The following DIPK1A variants were observed in gnomAD, a reference collection of about 807,000 sequenced individuals.
DIPK1A encodes the protein family with sequence similarity 69 member A.
Under a neutral mutation model 40.8 loss-of-function variants are expected in DIPK1A, and 27 were observed. The observed-to-expected ratio is 0.66, with a 90% CI of 0.49 to 0.91. DIPK1A has a LOEUF of 0.91. DIPK1A is among the 40% of genes least tolerant of loss of function. The pLI is 0.00. For missense variants in DIPK1A, 412 were observed against 505.7 expected (o/e 0.81, Z 1.78); for synonymous variants, 166 against 171.3 (o/e 0.97, Z 0.24).
At chr1:92,886,830 T>C (rs959956525) in intron 1 of DIPK1A, among the ~76,000 whole-genome samples, 5 of 151,952 alleles carry the variant, frequency 3.3e-5, no homozygotes, top group Admixed American at 6.6e-5. Flanking sequence ...CTTGGTTTTA[T>C]AAATATAGCT....
At chr1:92,955,808 A>G (rs1001961593) in intron 1 of DIPK1A, among the ~76,000 whole-genome samples, 19 of 152,296 alleles carry the variant, frequency 1.2e-4, no homozygotes, top group African/African-American at 4.6e-4. Flanking sequence ...TGGGAGGCCA[A>G]GGCAGGAGGA....
chr1:92,933,539 A>T (rs1156808197), intron 1 of DIPK1A: 1 of 152,218 alleles, frequency 6.6e-6, no homozygotes, highest in African/African-American at 2.4e-5. Context: ...TTTCTTAAAA[A>T]AAGGAAAAGA....
chr1:92,842,004 G>GT (rs568368652), downstream of DIPK1A: 671 of 817,924 alleles, frequency 8.2e-4, 5 homozygotes, highest in African/African-American at 0.011. Context: ...GAGTTGACAG[G>GT]TTTTTTTCTC....
chr1:92,846,831 A>ATGTGTGTGTGTG (rs1687633257), intron 4 of DIPK1A, among the ~76,000 whole-genome samples: 1 of 7,706 alleles, frequency 1.3e-4, no homozygotes, highest in African/African-American at 1.1e-3. Flanking sequence ...ATATATATAT[A>ATGTGTGTGTGTG]TATATATATA....
At chr1:92,909,135 A>G (rs185675328) in intron 1 of DIPK1A, among the ~76,000 whole-genome samples, 250 of 152,374 alleles carry the variant, frequency 1.6e-3, no homozygotes, top group Non-Finnish European at 2.6e-3. Context: ...TTGCTACACT[A>G]AAACTCTTTT....
chr1:92,854,998 A>T (rs926651898), intron 2 of DIPK1A, among the ~76,000 whole-genome samples: 4 of 152,180 alleles, frequency 2.6e-5, no homozygotes, highest in African/African-American at 7.2e-5. Flanking sequence ...ATATAAATAA[A>T]AAATAAGTGG....
intron 1 of DIPK1A, among the ~76,000 whole-genome samples, chr1:92,894,667 A>T (rs1649074882): frequency 6.6e-6 from 1 of 152,148 alleles, no homozygotes; most frequent in African/African-American, 2.4e-5. Context: ...GCAGAGCTGA[A>T]GGAAATAGAG....
chr1:92,881,962 T>C (rs1372718956), intron 1 of DIPK1A, among the ~76,000 whole-genome samples: 1 of 152,228 alleles, frequency 6.6e-6, no homozygotes, highest in Non-Finnish European at 1.5e-5. Flanking sequence ...CTCTAAGATC[T>C]ACAAGTCTCT....
Position 92,844,111 on chromosome 1 carries a change from A to G in DIPK1A, c.559T>C (p.Ser187Pro), listed in dbSNP as rs1033674612. Residue 187 changes from serine to proline, a missense_variant, in exon 5 of 5, where the codon TCC (serine) becomes CCC (proline). Coordinates refer to ENST00000370310, the MANE Select transcript of DIPK1A (RefSeq NM_001006605.5). Reference sequence around the variant, plus strand: ...CATGCCGACTTTGCTTCTCCCAAGGAAACCTGGCCATCTTTGTCTCCATCA... The same window carrying G: ...CATGCCGACTTTGCTTCTCCCAAGGGAACCTGGCCATCTTTGTCTCCATCA... ...VADGDKDGQV[S>P]LGEAKSAWAL... The G allele has an allele frequency of 3.2e-6, 5 of 1,551,788 alleles. No homozygotes were observed. Among genetic ancestry groups the G allele is most frequent in the Non-Finnish European group, 4.4e-6 (5 of 1,147,016 alleles).
rs147560158 is a variant in DIPK1A at position 92,902,070 on chromosome 1, T to A, written c.55-25640A>T. Among the ~76,000 whole-genome samples the A allele has an allele frequency of 1.5e-3, 225 of 152,186 alleles. 1 individual carries two copies. The highest frequency in any genetic ancestry group is 5.3e-3 in the African/African-American group (219 of 41,534). On this transcript the variant is annotated intron_variant, in intron 1 of 4. Transcript: ENST00000370310. ...GCGGGAGGGCAGTGTGTGAATGTTC[T>A]TGGAAGCCCAGGCACCATTTCCCTG...
intron 1 of DIPK1A, among the ~76,000 whole-genome samples, chr1:92,916,705 A>G (rs1650068423): frequency 6.6e-6 from 1 of 152,226 alleles, no homozygotes; most frequent in African/African-American, 2.4e-5. Flanking sequence ...AGGCCATTCC[A>G]GTATCATTTA....
chr1:92,870,377 C>G (rs1215136703), intron 2 of DIPK1A, among the ~76,000 whole-genome samples: 1 of 152,160 alleles, frequency 6.6e-6, no homozygotes, highest in Non-Finnish European at 1.5e-5. Flanking sequence ...AGGCACCCAC[C>G]ACCATGCCCG....
chr1:92,846,843 G>A (rs28617500), intron 4 of DIPK1A, among the ~76,000 whole-genome samples: 55 of 328 alleles, frequency 0.17, 6 homozygotes, highest in African/African-American at 0.23. Flanking sequence ...ATATATATAT[G>A]TGTGTATATA....
intron 1 of DIPK1A, among the ~76,000 whole-genome samples, chr1:92,917,106 A>G (rs1397878585): frequency 6.6e-6 from 1 of 152,122 alleles, no homozygotes; most frequent in Non-Finnish European, 1.5e-5. Context: ...AGTTTTTATA[A>G]TAGTCATTTT....
intron 1 of DIPK1A, among the ~76,000 whole-genome samples, chr1:92,892,123 C>T (rs991120215): frequency 1.3e-5 from 2 of 152,112 alleles, no homozygotes; most frequent in Admixed American, 1.3e-4. Context: ...CCTCTGCAGA[C>T]TTAAATGTCC....
At chr1:92,866,226 T>C (rs140381636) in intron 2 of DIPK1A, among the ~76,000 whole-genome samples, 26 of 152,300 alleles carry the variant, frequency 1.7e-4, no homozygotes, top group African/African-American at 5.3e-4. Flanking sequence ...CTCAGCCTCC[T>C]GAGTAGCTGC....
At chr1:92,898,921 C>A (rs1344746236) in intron 1 of DIPK1A, among the ~76,000 whole-genome samples, 1 of 152,080 alleles carries the variant, frequency 6.6e-6, no homozygotes, top group Non-Finnish European at 1.5e-5. Flanking sequence ...TGCCACCATG[C>A]CTGGCTATTT....
chr1:92,896,455 T>C (rs1210904209), intron 1 of DIPK1A, among the ~76,000 whole-genome samples: 1 of 152,070 alleles, frequency 6.6e-6, no homozygotes, highest in Non-Finnish European at 1.5e-5. Flanking sequence ...TAGCCATATA[T>C]AGAAAGCTGA....
At chr1:92,854,527 A>G (rs1687921645) in intron 2 of DIPK1A, among the ~76,000 whole-genome samples, 2 of 152,316 alleles carry the variant, frequency 1.3e-5, no homozygotes, top group South Asian at 4.1e-4. Context: ...CAGTCCTGAT[A>G]GAGATCAAGA....
Sources: allele counts gnomAD v4.1 joint callset (sites outside exome capture counted in the v4.1 genomes callset), GRCh38; gene constraint gnomAD v4.1.1; transcripts MANE v1.5; gene names NCBI Gene and HGNC (gene_info 2026-07-23, HGNC 2026-07-21).